PTH2R: variants seen among roughly 807,000 people sequenced by gnomAD.
The protein encoded by PTH2R is PTH2 receptor.
PTH2R carries 59 observed loss-of-function variants against 60.3 expected under a neutral mutation model. The observed-to-expected ratio is 0.98, with a 90% CI of 0.79 to 1.22. PTH2R has a LOEUF of 1.22. Ranked by LOEUF, PTH2R falls within the 50% of genes most tolerant of loss-of-function variation. The probability of loss-of-function intolerance (pLI) is 0.00; values close to 1 mark genes in which losing one functional copy is unlikely to be tolerated. For missense variants in PTH2R, 749 were observed against 682.6 expected, an observed-to-expected ratio of 1.10 and a Z score of -1.08; for synonymous variants, 256 against 243.8, an observed-to-expected ratio of 1.05 and a Z score of -0.47.
chr2:208,412,893 A>G (rs1406920280), intron 1 of PTH2R, among the ~76,000 whole-genome samples: 2 of 152,164 alleles, frequency 1.3e-5, no homozygotes, highest in African/African-American at 2.4e-5. Context: ...TATACTTTCA[A>G]TTATGTCATA....
At chr2:208,443,669 G>T in intron 6 of PTH2R, 132 bp downstream of exon 6, 1 of 655,602 alleles carries the variant, frequency 1.5e-6, no homozygotes, top group Non-Finnish European at 2.4e-6. Flanking sequence ...TTATCAATTT[G>T]TATAGTGATG....
intron 10 of PTH2R, among the ~76,000 whole-genome samples, chr2:208,485,314 C>T (rs751432853): frequency 2.6e-5 from 4 of 152,172 alleles, no homozygotes; most frequent in South Asian, 2.1e-4. Context: ...GCATTCCTCT[C>T]GTGGCTTTGC....
intron 9 of PTH2R, among the ~76,000 whole-genome samples, chr2:208,462,088 C>A (rs1053803132): frequency 1.3e-5 from 2 of 152,282 alleles, no homozygotes; most frequent in African/African-American, 2.4e-5. Flanking sequence ...CTAAGAGTTA[C>A]CTTTTTGTTT....
At chr2:208,399,212 G>A (rs1379635895) in intron 1 of PTH2R, among the ~76,000 whole-genome samples, 1 of 152,050 alleles carries the variant, frequency 6.6e-6, no homozygotes, top group Non-Finnish European at 1.5e-5. Context: ...TCCATTCCTA[G>A]TAAATACTTA....
Position 208,407,035 on chromosome 2 carries a change from G to T in PTH2R, c.-9G>T. ...AGGGTCCCTGCTTCTTCCTACAGCCGTTCCGGGCATGGCCGGGCTGGGGGC... is the reference window on the plus strand; with the variant it reads ...AGGGTCCCTGCTTCTTCCTACAGCCTTTCCGGGCATGGCCGGGCTGGGGGC... On this transcript the variant is annotated 5_prime_UTR_variant, in exon 1 of 13. Transcript: ENST00000272847. 1.4e-6 allele frequency: 2 copies of T among 1,391,412 alleles called. No individual in the cohort carries two copies. Among genetic ancestry groups the T allele is most frequent in the Non-Finnish European group, 9.4e-7 (1 of 1,067,476 alleles). 86.2% of individuals were successfully genotyped at this position (1,391,412 alleles called of 1,614,324 possible). A position where few individuals can be genotyped will look rare whatever the true frequency, so the allele number is the denominator to read the frequency against.
intron 1 of PTH2R, among the ~76,000 whole-genome samples, chr2:208,399,681 C>T (rs1453992575): frequency 6.6e-6 from 1 of 152,104 alleles, no homozygotes; most frequent in African/African-American, 2.4e-5. Context: ...TCTGCCTGAA[C>T]ATCATCTTAT....
chr2:208,452,947 TAAGTGG>T (rs1262458254), intron 8 of PTH2R, among the ~76,000 whole-genome samples: 2 of 152,164 alleles, frequency 1.3e-5, no homozygotes, highest in Non-Finnish European at 2.9e-5. Flanking sequence ...TCTATTGAGA[TAAGTGG>T]AATTTTTATT....
At chr2:208,475,325 G>A (rs1245260350) in intron 9 of PTH2R, among the ~76,000 whole-genome samples, 1 of 151,772 alleles carries the variant, frequency 6.6e-6, no homozygotes, top group Non-Finnish European at 1.5e-5. Flanking sequence ...CTTTCTTATA[G>A]TACATACATC....
intron 9 of PTH2R, among the ~76,000 whole-genome samples, chr2:208,480,110 G>C (rs1331353253): frequency 6.6e-6 from 1 of 152,168 alleles, no homozygotes; most frequent in Admixed American, 6.5e-5. Context: ...GGCTGATACA[G>C]TCAGTCAGCT....
chr2:208,377,978 A>G (rs1403714159), intron 1 of PTH2R, among the ~76,000 whole-genome samples: 2 of 151,792 alleles, frequency 1.3e-5, no homozygotes, highest in East Asian at 1.9e-4. Flanking sequence ...GGTGGCGGCC[A>G]GGCAGAGGCT....
At chr2:208,412,225 G>A (rs1488770708) in intron 1 of PTH2R, among the ~76,000 whole-genome samples, 1 of 152,124 alleles carries the variant, frequency 6.6e-6, no homozygotes, top group East Asian at 1.9e-4. Context: ...CTCAAAATTT[G>A]TTTCCTTCTT....
chr2:208,419,898 A>G (rs982388201), intron 1 of PTH2R, among the ~76,000 whole-genome samples: 1 of 152,194 alleles, frequency 6.6e-6, no homozygotes, highest in Non-Finnish European at 1.5e-5. Context: ...ATGTCCAACA[A>G]TGATAGACTG....
chr2:208,377,400 C>T (rs556315022), intron 1 of PTH2R, among the ~76,000 whole-genome samples: 3 of 152,004 alleles, frequency 2.0e-5, no homozygotes, highest in Admixed American at 1.3e-4. Flanking sequence ...ACCTCCCAGA[C>T]GGGGTGGTGG....
chr2:208,473,790 T>A (rs947306433), intron 9 of PTH2R, among the ~76,000 whole-genome samples: 6 of 152,246 alleles, frequency 3.9e-5, no homozygotes, highest in African/African-American at 1.4e-4. Flanking sequence ...GCATGCCACA[T>A]GTAGGTACCT....
Position 208,407,047 on chromosome 2 carries a change from G to A in PTH2R, c.4G>A (p.Ala2Thr), listed in dbSNP as rs1395285721. 3 of 1,391,874 alleles carry A rather than the reference G, an allele frequency of 2.2e-6. No individual in the cohort carries two copies. Among genetic ancestry groups the A allele is most frequent in the Admixed American group, 3.0e-5 (1 of 33,614 alleles). The allele number at this position is 1,391,874 out of a possible 1,614,324, so 86.2% of individuals were successfully genotyped here. The change falls in exon 1 of 13, where the codon GCC becomes ACC. Residue 2 changes from alanine (A) to threonine (T), a missense_variant. Ala to Thr is a moderately conservative substitution (Grantham distance 58). Transcript: ENST00000272847. The part of the protein sequence containing the change: M[A>T]GLGASLHVWG... ...TCTTCCTACAGCCGTTCCGGGCATG[G>A]CCGGGCTGGGGGCGTCGCTCCACGT...
At chr2:208,487,518 A>C (rs1259975945) in intron 10 of PTH2R, among the ~76,000 whole-genome samples, 1 of 152,130 alleles carries the variant, frequency 6.6e-6, no homozygotes, top group Admixed American at 6.6e-5. Flanking sequence ...AACCTCACCC[A>C]CTCCAGGAAA....
intron 1 of PTH2R, among the ~76,000 whole-genome samples, chr2:208,386,262 CTGTGTT>C (rs1385791273): frequency 6.6e-6 from 1 of 152,086 alleles, no homozygotes; most frequent in Non-Finnish European, 1.5e-5. Context: ...ATCTGTCACT[CTGTGTT>C]TGTGCTGTGA....
chr2:208,472,840 T>C (rs1702915286), intron 9 of PTH2R, among the ~76,000 whole-genome samples: 2 of 152,158 alleles, frequency 1.3e-5, no homozygotes. Flanking sequence ...AATCCTCAAA[T>C]AACTTTTAAG....
chr2:208,380,609 G>A (rs1700894576), intron 1 of PTH2R, among the ~76,000 whole-genome samples: 1 of 152,106 alleles, frequency 6.6e-6, no homozygotes, highest in Non-Finnish European at 1.5e-5. Context: ...TGGTAATGGA[G>A]TGAGTTTCCT....
Sources: gnomAD v4.1 joint callset for allele counts (sites outside exome capture counted in the v4.1 genomes callset) on GRCh38, gnomAD v4.1.1 for gene constraint, MANE v1.5 for transcripts, NCBI Gene and HGNC (gene_info 2026-07-23, HGNC 2026-07-21) for gene names.